WWOX: variants seen among roughly 807,000 people sequenced by gnomAD.
WWOX encodes WW domain containing oxidoreductase.
Under a neutral mutation model 46.2 loss-of-function variants are expected in WWOX, and 69 were observed. The observed-to-expected ratio is 1.49, with a 90% CI of 1.23 to 1.82. The LOEUF (loss-of-function observed/expected upper bound fraction) is 1.82. WWOX is among the 40% of genes most tolerant of loss of function. The probability of loss-of-function intolerance (pLI) is 0.00; values close to 1 mark genes in which losing one functional copy is unlikely to be tolerated. For missense variants in WWOX, 919 were observed against 542.6 expected (o/e 1.69, Z -6.89); for synonymous variants, 359 against 202.6 (o/e 1.77, Z -6.56).
intron 8 of WWOX, among the ~76,000 whole-genome samples, chr16:78,942,351 C>G (rs532475045): frequency 2.6e-5 from 4 of 152,152 alleles, no homozygotes; most frequent in African/African-American, 7.2e-5. Context: ...TCAAGAACCT[C>G]TAGCGCAGCC....
chr16:79,125,100 T>C (rs2049723406), intron 8 of WWOX, among the ~76,000 whole-genome samples: 1 of 151,842 alleles, frequency 6.6e-6, no homozygotes, highest in Non-Finnish European at 1.5e-5. Flanking sequence ...CAGATCCTGC[T>C]AGAGACTGCC....
chr16:78,430,024 G>C (rs1339525369), intron 7 of WWOX, among the ~76,000 whole-genome samples: 1 of 152,148 alleles, frequency 6.6e-6, no homozygotes, highest in Non-Finnish European at 1.5e-5. Context: ...TGCTAAGAAA[G>C]ACATACCCGA....
chr16:78,445,141 G>C (rs1251905260), intron 8 of WWOX, among the ~76,000 whole-genome samples: 4 of 152,142 alleles, frequency 2.6e-5, no homozygotes, highest in Non-Finnish European at 5.9e-5. Context: ...AAATGATACA[G>C]GTGTACATCA....
intron 8 of WWOX, among the ~76,000 whole-genome samples, chr16:79,200,499 T>G (rs1464413714): frequency 2.0e-5 from 3 of 152,142 alleles, no homozygotes; most frequent in African/African-American, 7.2e-5. Flanking sequence ...TTCACCTCCT[T>G]TAGCCTCTGT....
rs368697865 is a variant in WWOX, at chr16:78,823,694, C to T, written c.1057-387914C>T. Among the ~76,000 whole-genome samples, 70 of 152,084 alleles carry T rather than the reference C, an allele frequency of 4.6e-4. 4 individuals are homozygous for T. The highest frequency in any genetic ancestry group is 2.7e-3 in the East Asian group (14 of 5,166). ...GCAAATGTGTGCATTTAAGGCCCGC[C>T]GAGCCTGAGCTGATATGCATGTCTT... is the stretch of plus-strand genomic sequence containing the variant. On this transcript the variant is annotated intron_variant, in intron 8 of 8. Coordinates refer to ENST00000566780, the MANE Select transcript of WWOX (RefSeq NM_016373.4).
At chr16:78,183,139 C>T (rs1441692244) in intron 5 of WWOX, among the ~76,000 whole-genome samples, 2 of 152,034 alleles carry the variant, frequency 1.3e-5, no homozygotes, top group Non-Finnish European at 2.9e-5. Flanking sequence ...CCAGCCGTCC[C>T]ACTGGACTCT....
intron 8 of WWOX, among the ~76,000 whole-genome samples, chr16:78,698,082 G>C: frequency 6.6e-6 from 1 of 152,140 alleles, no homozygotes; most frequent in Admixed American, 6.5e-5. Flanking sequence ...TGGTATTATT[G>C]TTGTCATCAT....
intron 8 of WWOX, among the ~76,000 whole-genome samples, chr16:78,842,316 A>T (rs2052173547): frequency 6.7e-6 from 1 of 149,742 alleles, no homozygotes; most frequent in Non-Finnish European, 1.5e-5. Context: ...CAACATAGGC[A>T]GACCCCATCT....
intron 8 of WWOX, among the ~76,000 whole-genome samples, chr16:78,798,298 G>C (rs982505066): frequency 1.3e-5 from 2 of 151,920 alleles, no homozygotes; most frequent in African/African-American, 4.8e-5. Context: ...TCAGATTGAC[G>C]CTTTTCAAGA....
In WWOX at chr16:78,654,094, C is replaced by T. The variant is rs565180989; in HGVS notation, c.1056+221342C>T. On this transcript the variant is annotated intron_variant, in intron 8 of 8. Coordinates refer to ENST00000566780, the MANE Select transcript of WWOX (RefSeq NM_016373.4). ...TAAAGCAAAATGCCTTCTCCTAAATCCAGGTAGAGAGAAACTCTCAAAGGC... is the reference window on the plus strand; with the variant it reads ...TAAAGCAAAATGCCTTCTCCTAAATTCAGGTAGAGAGAAACTCTCAAAGGC... 5.3e-5 allele frequency among the ~76,000 whole-genome samples: 8 copies of T among 152,270 alleles called. No homozygotes were observed. The South Asian group carries it at 1.5e-3, about 28-fold the overall frequency.
intron 4 of WWOX, among the ~76,000 whole-genome samples, chr16:78,159,467 T>C (rs1483977104): frequency 6.6e-6 from 1 of 152,138 alleles, no homozygotes; most frequent in East Asian, 1.9e-4. Context: ...GGGGCTCTTG[T>C]TTCCACACCC....
At chr16:78,362,269 A>G (rs1418834663) in intron 5 of WWOX, among the ~76,000 whole-genome samples, 1 of 152,020 alleles carries the variant, frequency 6.6e-6, no homozygotes, top group African/African-American at 2.4e-5. Context: ...AGGAAGAACA[A>G]GAGACGAGAC....
intron 8 of WWOX, among the ~76,000 whole-genome samples, chr16:79,160,850 G>T (rs556031226): frequency 6.6e-6 from 1 of 151,370 alleles, no homozygotes; most frequent in Non-Finnish European, 1.5e-5. Flanking sequence ...ATGTGTGTAC[G>T]TATACACGCA....
At chr16:78,150,152 G>C (rs1302327223) in intron 4 of WWOX, among the ~76,000 whole-genome samples, 1 of 152,096 alleles carries the variant, frequency 6.6e-6, no homozygotes, top group African/African-American at 2.4e-5. Flanking sequence ...ATCTCCTCAG[G>C]CTTGATAATT....
Position 78,164,257 on chromosome 16 carries a change from A to G in WWOX, c.484A>G (p.Ser162Gly). The stretch of plus-strand genomic sequence containing the variant: ...GGCCTGCAGGAACATGGCAAGGGCG[A>G]GTGAAGCAGTGTCACGCATTTTAGA... The part of the protein sequence containing the change: ...ILACRNMARA[S>G]EAVSRILEEW... The change falls in exon 5 of 9, where the codon AGT (serine) becomes GGT (glycine). Residue 162 changes from serine (S) to glycine (G), a missense_variant. Coordinates refer to ENST00000566780, the MANE Select transcript of WWOX (RefSeq NM_016373.4). 1 of 1,614,040 alleles carries G rather than the reference A, an allele frequency of 6.2e-7. No homozygotes were observed. The highest frequency in any genetic ancestry group is 8.5e-7 in the Non-Finnish European group (1 of 1,179,950).
intron 8 of WWOX, among the ~76,000 whole-genome samples, chr16:78,682,563 A>T (rs1684976726): frequency 6.6e-6 from 1 of 152,106 alleles, no homozygotes; most frequent in Non-Finnish European, 1.5e-5. Context: ...AGCCTGGGTG[A>T]TAGAGCGAGA....
intron 8 of WWOX, among the ~76,000 whole-genome samples, chr16:79,056,236 TCAG>T (rs2048260170): frequency 6.8e-6 from 1 of 147,806 alleles, no homozygotes. Context: ...AAAAAAAAAT[TCAG>T]CATTTCTTTT....
chr16:79,090,325 A>C (rs946799747), intron 8 of WWOX, among the ~76,000 whole-genome samples: 1 of 131,644 alleles, frequency 7.6e-6, no homozygotes, highest in Non-Finnish European at 1.6e-5. Context: ...GTGTGATATA[A>C]TGTGTTGCAT....
intron 8 of WWOX, among the ~76,000 whole-genome samples, chr16:78,861,497 C>T (rs1048983620): frequency 1.3e-5 from 2 of 152,136 alleles, no homozygotes; most frequent in Admixed American, 6.5e-5. Context: ...ACCCACTTCC[C>T]CCATGCCTGA....
Sources: gnomAD v4.1 joint callset for allele counts (sites outside exome capture counted in the v4.1 genomes callset) on GRCh38, gnomAD v4.1.1 for gene constraint, MANE v1.5 for transcripts, NCBI Gene and HGNC (gene_info 2026-07-23, HGNC 2026-07-21) for gene names.